Variants in DOP1B observed in about 807,000 individuals in gnomAD.
DOP1B encodes protein DOP1B.
DOP1B carries 174 observed loss-of-function variants against 233.5 expected under a neutral mutation model. That is an observed-to-expected ratio of 0.75 (90% CI 0.66 to 0.85). DOP1B has a LOEUF of 0.85. Ranked by LOEUF, DOP1B falls within the 40% of genes least tolerant of loss-of-function variation. The pLI, the probability that DOP1B is intolerant of heterozygous loss-of-function variation, is 0.00. For synonymous variants in DOP1B, 1,190 were observed against 1,185.6 expected (o/e 1.00, Z -0.08); for missense variants, 2,652 against 2,846.6 (o/e 0.93, Z 1.56).
At chr21:36,215,882 G>A (rs1485643569) in intron 9 of DOP1B, among the ~76,000 whole-genome samples, 3 of 69,320 alleles carry the variant, frequency 4.3e-5, no homozygotes, top group Non-Finnish European at 6.1e-5. Context: ...GCATGGTGGC[G>A]CGTGCCTGTA....
intron 2 of DOP1B, among the ~76,000 whole-genome samples, chr21:36,187,596 CTATT>C (rs966294353): frequency 8.0e-5 from 12 of 150,378 alleles, no homozygotes; most frequent in African/African-American, 2.5e-4. Flanking sequence ...TGTGCCCAGC[CTATT>C]TATTTTATTT....
At chr21:36,175,543 T>G (rs2066013237) in intron 2 of DOP1B, among the ~76,000 whole-genome samples, 1 of 151,614 alleles carries the variant, frequency 6.6e-6, no homozygotes, top group South Asian at 2.1e-4. Flanking sequence ...TGTAATCCCT[T>G]GGCCTATGGG....
Position 36,227,833 on chromosome 21 carries a change from A to C in DOP1B, c.1621A>C (p.Met541Leu), listed in dbSNP as rs2066711205. 1 of 1,611,170 alleles carries C rather than the reference A, an allele frequency of 6.2e-7. No individual in the cohort carries two copies. Among genetic ancestry groups the C allele is most frequent in the Non-Finnish European group, 8.5e-7 (1 of 1,177,902 alleles). The change falls in exon 13 of 37, where the codon ATG becomes CTG. Residue 541 changes from methionine (M) to leucine (L), a missense_variant. By Grantham distance (15) the Met-to-Leu change is conservative. Transcript: ENST00000691173. ...TCFKVLSKVQ[M>L]PPSYLDTEST... ...TTTCAAGGTGCTCAGCAAAGTCCAG[A>C]TGCCTCCTTCCTACCTCGACACGGA...
At chr21:36,173,424 C>CT (rs11284211) in intron 2 of DOP1B, among the ~76,000 whole-genome samples, 55,216 of 139,596 alleles carry the variant, frequency 0.4, 11,411 homozygotes, top group Non-Finnish European at 0.46. Context: ...AATAGTTTAT[C>CT]TTTTTTTTTT....
Position 36,260,740 on chromosome 21 carries a change from AGTCCCCC to A in DOP1B, c.5315+13_5315+19del. The A allele has an allele frequency of 6.2e-7, 1 of 1,613,846 alleles. No individual in the cohort carries two copies. Among genetic ancestry groups the A allele is most frequent in the Non-Finnish European group, 8.5e-7 (1 of 1,179,946 alleles). On this transcript the variant is annotated intron_variant, in intron 24 of 36. Transcript: ENST00000691173. ...CTATGCTTTTCTCCAAAGGTAATACAGTCCCCCGTCCTCCAAAAACTTCCTTAAATAC... is the reference window on the plus strand; with the variant it reads ...CTATGCTTTTCTCCAAAGGTAATACAGTCCTCCAAAAACTTCCTTAAATAC...
At chr21:36,252,679 A>T (rs2067044661) in intron 22 of DOP1B, among the ~76,000 whole-genome samples, 1 of 151,968 alleles carries the variant, frequency 6.6e-6, no homozygotes, top group Non-Finnish European at 1.5e-5. Context: ...ACACTCAGCT[A>T]ATTTTTGTAA....
intron 10 of DOP1B, among the ~76,000 whole-genome samples, chr21:36,221,646 G>A (rs1406725391): frequency 6.6e-6 from 1 of 151,692 alleles, no homozygotes; most frequent in African/African-American, 2.4e-5. Flanking sequence ...ATGTGGTCTT[G>A]GCTCACTGCA....
chr21:36,159,205 A>G (rs1438378385), intron 1 of DOP1B, among the ~76,000 whole-genome samples: 1 of 152,192 alleles, frequency 6.6e-6, no homozygotes, highest in African/African-American at 2.4e-5. Flanking sequence ...TAATCCCAGT[A>G]CTTTGGGAGG....
intron 24 of DOP1B, among the ~76,000 whole-genome samples, chr21:36,262,208 C>G (rs1221712839): frequency 6.6e-6 from 1 of 152,186 alleles, no homozygotes; most frequent in African/African-American, 2.4e-5. Flanking sequence ...GGTCACTTCC[C>G]TCCTGTGACA....
At chr21:36,250,853 G>GT (rs1278996752) in intron 21 of DOP1B, among the ~76,000 whole-genome samples, 1 of 152,304 alleles carries the variant, frequency 6.6e-6, no homozygotes, top group South Asian at 2.1e-4. Flanking sequence ...AGCAGCAAGG[G>GT]TGATATTCAT....
At chr21:36,217,415 A>G (rs957741816) in intron 9 of DOP1B, among the ~76,000 whole-genome samples, 1 of 152,176 alleles carries the variant, frequency 6.6e-6, no homozygotes, top group African/African-American at 2.4e-5. Flanking sequence ...AGGTTCTCCC[A>G]CTATGCCTGT....
intron 1 of DOP1B, among the ~76,000 whole-genome samples, chr21:36,163,848 C>G (rs1273351389): frequency 6.6e-6 from 1 of 152,220 alleles, no homozygotes; most frequent in African/African-American, 2.4e-5. Context: ...TCGTTCCACT[C>G]AGCCATCGTT....
chr21:36,214,465 G>T lies in DOP1B; in HGVS notation c.1038G>T (p.Gln346His), dbSNP rs1245784960. The T allele has an allele frequency of 1.9e-6, 3 of 1,613,200 alleles. No homozygotes were observed. Among genetic ancestry groups the T allele is most frequent in the Non-Finnish European group, 2.5e-6 (3 of 1,179,866 alleles). ...AGGGTTTGGCTGAGATATTGCATCA[G>T]AAGTTCATAGATGCTGACGTGGAGG... The part of the protein sequence containing the change: ...LVEGLAEILH[Q>H]KFIDADVEER... The change falls in exon 9 of 37, where the codon CAG (glutamine) becomes CAT (histidine). Residue 346 changes from glutamine to histidine, a missense_variant. Around this residue, in one of 3 missense-constraint regions of DOP1B, gnomAD observed 2,617 missense variants for 2,794.3 expected, o/e 0.94. Transcript: ENST00000691173.
rs11702667 is a variant in DOP1B at position 36,294,133 on chromosome 21, A to G, written c.*562A>G. 0.012 allele frequency: 1,868 copies of G among 153,382 alleles called. 22 individuals carry two copies. Among genetic ancestry groups the G allele is most frequent in the Non-Finnish European group, 0.02 (1,336 of 68,500 alleles). 9.5% of individuals were successfully genotyped at this position (153,382 alleles called of 1,614,324 possible). ...TAATATATCATCTAACAGTAGCACA[A>G]AATTTGTAATATGAAGTAAAGTATG... On this transcript the variant is annotated 3_prime_UTR_variant, in exon 37 of 37. Transcript: ENST00000691173.
chr21:36,177,838 A>G (rs952391517), intron 2 of DOP1B, among the ~76,000 whole-genome samples: 6 of 152,220 alleles, frequency 3.9e-5, no homozygotes, highest in African/African-American at 1.2e-4. Context: ...AACTGTAAAA[A>G]GTAAATTTAT....
At chr21:36,225,108 T>A (rs1034693909) in intron 11 of DOP1B, among the ~76,000 whole-genome samples, 4 of 152,208 alleles carry the variant, frequency 2.6e-5, no homozygotes, top group Non-Finnish European at 5.9e-5. Context: ...ACATGTTAGA[T>A]ACTTTTAGTC....
Position 36,156,879 on chromosome 21 carries a change from C to G in DOP1B, c.-91C>G, listed in dbSNP as rs1256825455. 6.6e-6 allele frequency: 1 copy of G among 152,474 alleles called. No homozygotes were observed. Among genetic ancestry groups the G allele is most frequent in the African/African-American group, 2.4e-5 (1 of 41,456 alleles). The allele number at this position is 152,474 out of a possible 1,614,324, so 9.4% of individuals were successfully genotyped here. A position where few individuals can be genotyped will look rare whatever the true frequency, so the allele number is the denominator to read the frequency against. On this transcript the variant is annotated 5_prime_UTR_variant, in exon 1 of 37. Coordinates refer to ENST00000691173, the MANE Select transcript of DOP1B (RefSeq NM_001320714.2). The stretch of plus-strand genomic sequence containing the variant: ...CGCCGCAGCCCTGCCCAGTCTCTCT[C>G]CCCCAGCCCGGAGGGCTCCTCCGCG...
intron 4 of DOP1B, among the ~76,000 whole-genome samples, chr21:36,206,466 G>A (rs1601410653): frequency 6.6e-6 from 1 of 151,522 alleles, no homozygotes; most frequent in African/African-American, 2.4e-5. Context: ...GGAGGTCAGG[G>A]CTGCAGTGAG....
At chr21:36,262,063 C>A in intron 24 of DOP1B, 1 of 791,028 alleles carries the variant, frequency 1.3e-6, no homozygotes, top group Non-Finnish European at 1.5e-6. Context: ...CATAGTTATT[C>A]CCACTCACCA....
Sources: gnomAD v4.1 joint callset for allele counts (sites outside exome capture counted in the v4.1 genomes callset) on GRCh38, gnomAD v4.1.1 for gene constraint, gnomAD v4.1.1 regional missense constraint, MANE v1.5 for transcripts, NCBI Gene and HGNC (gene_info 2026-07-23, HGNC 2026-07-21) for gene names.